Variants in TLL2 observed in about 807,000 individuals in gnomAD.
The protein encoded by TLL2 is tolloid like 2.
TLL2 carries 106 observed loss-of-function variants against 123.0 expected under a neutral mutation model. The ratio of observed to expected loss-of-function variants is 0.86; its 90% CI spans 0.74 to 1.01. The LOEUF (loss-of-function observed/expected upper bound fraction) is 1.01, where lower values mean the gene tolerates loss of function less well. TLL2 is among the 50% of genes least tolerant of loss of function. The pLI is 0.00. For synonymous variants in TLL2, 494 were observed against 516.8 expected, an observed-to-expected ratio of 0.96 and a Z score of 0.60; for missense variants, 1,332 against 1,336.7, an observed-to-expected ratio of 1.00 and a Z score of 0.06.
At chr10:96,457,505 G>A (rs1237557319) in intron 2 of TLL2, among the ~76,000 whole-genome samples, 24 of 152,198 alleles carry the variant, frequency 1.6e-4, no homozygotes, top group Admixed American at 1.5e-3. Context: ...ACTGTCAGCC[G>A]AACAGCCACT....
chr10:96,447,894 A>G (rs751466765), intron 2 of TLL2, among the ~76,000 whole-genome samples: 1 of 152,146 alleles, frequency 6.6e-6, no homozygotes, highest in Non-Finnish European at 1.5e-5. Context: ...GGCTCGGGAC[A>G]CAGTCTCCTG....
At chr10:96,424,628 C>A (rs1219870102) in intron 5 of TLL2, among the ~76,000 whole-genome samples, 1 of 152,104 alleles carries the variant, frequency 6.6e-6, no homozygotes, top group African/African-American at 2.4e-5. Context: ...GTGATCACCT[C>A]TTTTCCCTGT....
At chr10:96,457,923 T>C (rs1414652181) in intron 2 of TLL2, among the ~76,000 whole-genome samples, 3 of 152,196 alleles carry the variant, frequency 2.0e-5, no homozygotes, top group Non-Finnish European at 4.4e-5. Flanking sequence ...AATGATCTCA[T>C]TTATTCGCTT....
chr10:96,450,090 A>T (rs968475367), intron 2 of TLL2, among the ~76,000 whole-genome samples: 1 of 151,296 alleles, frequency 6.6e-6, no homozygotes, highest in Non-Finnish European at 1.5e-5. Flanking sequence ...GGCACATGGC[A>T]GGTACTGAGT....
chr10:96,379,235 G>T, intron 16 of TLL2, 143 bp from the exon 17 acceptor site: 1 of 1,063,174 alleles, frequency 9.4e-7, no homozygotes, highest in Non-Finnish European at 1.4e-6. Context: ...CCTCACTGGA[G>T]GAGTGAAGTG....
intron 7 of TLL2, among the ~76,000 whole-genome samples, chr10:96,417,867 C>T (rs942201692): frequency 6.6e-6 from 1 of 152,208 alleles, no homozygotes; most frequent in African/African-American, 2.4e-5. Flanking sequence ...CAGAGAAGAA[C>T]AAGCCTGACT....
intron 2 of TLL2, among the ~76,000 whole-genome samples, chr10:96,474,898 G>A (rs1847222349): frequency 6.6e-6 from 1 of 152,098 alleles, no homozygotes; most frequent in South Asian, 2.1e-4. Context: ...GGTGTTCTTG[G>A]CTTGTGGCTG....
rs150308860 is a variant in TLL2 at position 96,432,828 on chromosome 10, C to T, written c.499G>A (p.Val167Ile). The T allele has an allele frequency of 7.6e-5, 123 of 1,613,984 alleles. No homozygotes were observed. Among genetic ancestry groups the T allele is most frequent in the Non-Finnish European group, 9.3e-5 (110 of 1,179,974 alleles). ...TGACCAGTGAAGTTCCCTCCAATGA[C>T]GTAGGGGATGACTCCTCCAGGCCAT... Reference protein sequence around the residue: ...RIWPGGVIPYVIGGNFTGSQR... With the variant: ...RIWPGGVIPYIIGGNFTGSQR... Residue 167 changes from valine to isoleucine, a missense_variant, in exon 4 of 21, where the codon GTC (valine) becomes ATC (isoleucine). Transcript: ENST00000357947.
chr10:96,491,733 T>C (rs1393324793), intron 1 of TLL2, among the ~76,000 whole-genome samples: 2 of 152,190 alleles, frequency 1.3e-5, no homozygotes, highest in Non-Finnish European at 2.9e-5. Context: ...TATTTAACAA[T>C]TGGCTGGGGT....
intron 14 of TLL2, 44 bp downstream of exon 14, chr10:96,386,909 T>A: frequency 6.2e-7 from 1 of 1,606,380 alleles, no homozygotes; most frequent in South Asian, 1.1e-5. Context: ...CAAAGACTTG[T>A]CCCATATACC....
At chr10:96,474,415 G>A (rs953746492) in intron 2 of TLL2, among the ~76,000 whole-genome samples, 1 of 152,234 alleles carries the variant, frequency 6.6e-6, no homozygotes. Flanking sequence ...ATGCAGCTGG[G>A]TAGAGATGGA....
Position 96,513,663 on chromosome 10 carries a change from C to G in TLL2, c.23G>C (p.Gly8Ala), listed in dbSNP as rs778640927. Residue 8 changes from glycine to alanine, a missense_variant, in exon 1 of 21, where the codon GGG (glycine) becomes GCG (alanine). Coordinates refer to ENST00000357947, the MANE Select transcript of TLL2 (RefSeq NM_012465.4). ...CAGCAGCAGCAGTGACACCAGGGCC[C>G]CAAGTGCAGTCGCCCGGGGCATGGT... is the stretch of plus-strand genomic sequence containing the variant. MPRATAL[G>A]ALVSLLLLLP... The G allele has an allele frequency of 6.4e-7, 1 of 1,570,722 alleles. No individual in the cohort carries two copies. Among genetic ancestry groups the G allele is most frequent in the Admixed American group, 1.8e-5 (1 of 56,308 alleles).
Position 96,410,407 on chromosome 10 carries a change from TG to T in TLL2, c.1115del (p.Pro372HisfsTer20), listed in dbSNP as rs1053392124. On this transcript the variant is annotated frameshift_variant, in exon 9 of 21. Coordinates refer to ENST00000357947, the MANE Select transcript of TLL2 (RefSeq NM_012465.4). LOFTEE classifies it high-confidence loss of function. Reference sequence around the variant, plus strand: ...TCCTCCAGACGCAGTGGGAGTAAGATGGGTACCCATTTGGGAAACCAGGTGC... The same window carrying T: ...TCCTCCAGACGCAGTGGGAGTAAGATGGTACCCATTTGGGAAACCAGGTGC... ...FSAPGFPNGY[P>X]SYSHCVWRIS... 49 of 1,613,886 alleles carry T rather than the reference TG, an allele frequency of 3.0e-5. No individual in the cohort carries two copies. The highest frequency in any genetic ancestry group is 1.0e-4 in the Admixed American group (6 of 60,008).
intron 1 of TLL2, 149 bp downstream of exon 1, chr10:96,513,362 C>T (rs1847650460): frequency 2.0e-6 from 2 of 1,012,070 alleles, no homozygotes; most frequent in Non-Finnish European, 2.8e-6. Flanking sequence ...TTAAGCAATT[C>T]CTCGGAGGCA....
chr10:96,508,465 C>T (rs908025957), intron 1 of TLL2, among the ~76,000 whole-genome samples: 1 of 152,144 alleles, frequency 6.6e-6, no homozygotes, highest in African/African-American at 2.4e-5. Flanking sequence ...GGTTCCTGAG[C>T]CATAAGACAA....
intron 1 of TLL2, among the ~76,000 whole-genome samples, chr10:96,483,399 T>C (rs1372899218): frequency 6.6e-6 from 1 of 152,208 alleles, no homozygotes; most frequent in Non-Finnish European, 1.5e-5. Flanking sequence ...TCTTGCAACA[T>C]GTGTCCAGCC....
chr10:96,448,650 GACAA>G (rs1846924078), intron 2 of TLL2, among the ~76,000 whole-genome samples: 1 of 152,158 alleles, frequency 6.6e-6, no homozygotes, highest in African/African-American at 2.4e-5. Context: ...GGGAAAAAAT[GACAA>G]ACAAATAGCG....
At chr10:96,481,889 C>T (rs72811153) in intron 1 of TLL2, among the ~76,000 whole-genome samples, 25,457 of 152,120 alleles carry the variant, frequency 0.17, 2,527 homozygotes, top group East Asian at 0.44. Flanking sequence ...CTGAGAACTT[C>T]GAGTAACAGA....
intron 1 of TLL2, among the ~76,000 whole-genome samples, chr10:96,511,521 C>T (rs1378104812): frequency 6.6e-6 from 1 of 152,242 alleles, no homozygotes; most frequent in African/African-American, 2.4e-5. Flanking sequence ...CTCTGCCTTC[C>T]AGCCCTGCCT....
Sources: allele counts gnomAD v4.1 joint callset (sites outside exome capture counted in the v4.1 genomes callset), GRCh38; gene constraint gnomAD v4.1.1; transcripts MANE v1.5; gene names NCBI Gene and HGNC (gene_info 2026-07-23, HGNC 2026-07-21).